Variants in TTLL1 observed in about 807,000 individuals in gnomAD.
TTLL1 encodes polyglutamylase complex subunit TTLL1.
A neutral mutation model predicts 47.8 loss-of-function variants in TTLL1; 33 were observed. That is an observed-to-expected ratio of 0.69 (90% confidence interval 0.52 to 0.92). The LOEUF (loss-of-function observed/expected upper bound fraction) is 0.92. Among genes scored for constraint, TTLL1 ranks in the 40% least tolerant of loss-of-function variants. The probability of loss-of-function intolerance (pLI) is 0.00; values close to 1 mark genes in which losing one functional copy is unlikely to be tolerated. For missense variants in TTLL1, 488 were observed against 547.5 expected (o/e 0.89, Z 1.08); for synonymous variants, 225 against 214.1 (o/e 1.05, Z -0.45).
At chr22:43,047,823 T>G (rs1164825391) in intron 9 of TTLL1, among the ~76,000 whole-genome samples, 1 of 152,148 alleles carries the variant, frequency 6.6e-6, no homozygotes, top group Non-Finnish European at 1.5e-5. Flanking sequence ...CTTGGTTAGC[T>G]GTTTCAGGCC....
intron 4 of TTLL1, among the ~76,000 whole-genome samples, chr22:43,069,404 A>AC (rs1343981032): frequency 1.7e-4 from 25 of 150,982 alleles, no homozygotes; most frequent in African/African-American, 6.1e-4. Context: ...AAAAAAAAAA[A>AC]AAAAAACGCC....
intron 9 of TTLL1, among the ~76,000 whole-genome samples, chr22:43,048,389 C>G (rs1569414582): frequency 1.3e-5 from 2 of 151,242 alleles, no homozygotes; most frequent in African/African-American, 4.9e-5. Context: ...AACTCCAGCA[C>G]TTTGGGAGGC....
rs183712594 is a variant in TTLL1, at chr22:43,046,551, G to C, written c.1001C>G (p.Thr334Arg). 3.1e-6 allele frequency: 5 copies of C among 1,613,982 alleles called. No individual in the cohort carries two copies. Among genetic ancestry groups the C allele is most frequent in the Non-Finnish European group, 4.2e-6 (5 of 1,179,994 alleles). ...LIEVNASPSL[T>R]SSTANDRILK... is the part of the protein sequence containing the mutation. ...GATTCGGTCATTGGCAGTGCTGGAC[G>C]TGAGAGACGGGGACGCATTCACCTG... Residue 334 changes from threonine (T) to arginine (R), a missense_variant, in exon 10 of 11, where the codon ACG becomes AGG. Physicochemically the swap from Thr to Arg is moderately conservative, Grantham distance 71. Coordinates refer to ENST00000266254, the MANE Select transcript of TTLL1 (RefSeq NM_012263.5).
At chr22:43,072,470 CTCTT>C (rs900789257) in intron 3 of TTLL1, among the ~76,000 whole-genome samples, 12 of 150,872 alleles carry the variant, frequency 8.0e-5, no homozygotes, top group Non-Finnish European at 1.0e-4. Flanking sequence ...TTTATTTTCT[CTCTT>C]TCTTTCTTTC....
rs776262611 is a variant in TTLL1 at position 43,064,334 on chromosome 22, G to T, written c.504-10C>A. On this transcript the variant is annotated splice_polypyrimidine_tract_variant and intron_variant, in intron 5 of 10. Transcript: ENST00000266254. Reference sequence around the variant, plus strand: ...AGATTGAGACACAAACCTAAACATGGCAGAGAAAGTAAAAATTAGATGGTA... The same window carrying T: ...AGATTGAGACACAAACCTAAACATGTCAGAGAAAGTAAAAATTAGATGGTA... 6.2e-7 allele frequency: 1 copy of T among 1,604,066 alleles called. No homozygotes were observed. Among genetic ancestry groups the T allele is most frequent in the East Asian group, 2.2e-5 (1 of 44,814 alleles).
At chr22:43,055,325 C>G (rs1926928471) in intron 8 of TTLL1, among the ~76,000 whole-genome samples, 1 of 151,318 alleles carries the variant, frequency 6.6e-6, no homozygotes, top group South Asian at 2.1e-4. Context: ...CCACGTCTGT[C>G]TATAGTTTTC....
intron 8 of TTLL1, 134 bp from the exon 9 acceptor site, chr22:43,052,021 G>C (rs1302356753): frequency 1.3e-6 from 1 of 755,018 alleles, no homozygotes; most frequent in Non-Finnish European, 2.3e-6. Flanking sequence ...CACCACAAAC[G>C]CTTCCTTCCC....
chr22:43,069,220 C>CAAA (rs66913313), intron 4 of TTLL1, among the ~76,000 whole-genome samples: 9 of 80,396 alleles, frequency 1.1e-4, no homozygotes, highest in Non-Finnish European at 2.3e-4. Context: ...ACTAAAAATA[C>CAAA]AAAAAAAAAA....
At chr22:43,063,960 A>G in intron 6 of TTLL1, 39 bp from the exon 7 acceptor site, 1 of 1,595,124 alleles carries the variant, frequency 6.3e-7, no homozygotes, top group South Asian at 1.1e-5. Flanking sequence ...TCTGAGGAGA[A>G]ACAAAAAGAA....
intron 5 of TTLL1, among the ~76,000 whole-genome samples, chr22:43,066,522 G>T (rs995139644): frequency 2.0e-5 from 3 of 151,688 alleles, no homozygotes; most frequent in African/African-American, 7.3e-5. Context: ...CCGGGAATTT[G>T]AGATCAACCT....
At chr22:43,084,438 GCTACTGTGCCCAGCTGACACCTTTTTC>G (rs1929095806) in intron 1 of TTLL1, among the ~76,000 whole-genome samples, 1 of 152,050 alleles carries the variant, frequency 6.6e-6, no homozygotes, top group Admixed American at 6.6e-5. Flanking sequence ...GTGGCTCAGA[GCTACTGTGCCCAGCTGACACCTTTTTC>G]CTTCTTTCTT....
intron 2 of TTLL1, among the ~76,000 whole-genome samples, chr22:43,079,582 G>A (rs1423648834): frequency 6.6e-6 from 1 of 152,210 alleles, no homozygotes; most frequent in African/African-American, 2.4e-5. Flanking sequence ...TGGTTCACAT[G>A]TTGTACTTAA....
intron 1 of TTLL1, among the ~76,000 whole-genome samples, chr22:43,088,691 T>G (rs1332814852): frequency 6.6e-6 from 1 of 152,094 alleles, no homozygotes; most frequent in Non-Finnish European, 1.5e-5. Flanking sequence ...AATGTGCTCA[T>G]CAAACGTTTC....
chr22:43,074,321 G>T (rs1263238524), intron 3 of TTLL1, among the ~76,000 whole-genome samples: 4 of 151,540 alleles, frequency 2.6e-5, no homozygotes, highest in Non-Finnish European at 4.4e-5. Context: ...CAGCTACTAG[G>T]GAGGCTAAGG....
intron 7 of TTLL1, among the ~76,000 whole-genome samples, chr22:43,063,217 A>G (rs1927499745): frequency 6.6e-6 from 1 of 152,092 alleles, no homozygotes; most frequent in South Asian, 2.1e-4. Context: ...AGGCTCTGAG[A>G]GTTACACTGA....
chr22:43,046,820 C>G (rs1455371765), intron 9 of TTLL1, among the ~76,000 whole-genome samples: 1 of 152,078 alleles, frequency 6.6e-6, no homozygotes, highest in Non-Finnish European at 1.5e-5. Context: ...CAGGCACACA[C>G]CAACACGCCC....
chr22:43,058,236 G>A (rs1446396492), intron 8 of TTLL1, among the ~76,000 whole-genome samples: 1 of 152,092 alleles, frequency 6.6e-6, no homozygotes, highest in Non-Finnish European at 1.5e-5. Context: ...GAGCCACAGC[G>A]CCCGGCCCCG....
Position 43,084,309 on chromosome 22 carries a change from C to A in TTLL1, c.-89-4323G>T, listed in dbSNP as rs553311836. Among the ~76,000 whole-genome samples the A allele has an allele frequency of 2.0e-5, 3 of 151,894 alleles. No homozygotes were observed. In the South Asian group the frequency reaches 6.2e-4, roughly 31 times the overall value. ...GGGATTACAGGCACCCGCCACGATG[C>A]CCAGCTAATTGTGTATTTTTAGTAG... On this transcript the variant is annotated intron_variant, in intron 1 of 10. Transcript: ENST00000266254.
chr22:43,040,768 T>A (rs1364527893), intron 10 of TTLL1, among the ~76,000 whole-genome samples: 4 of 152,168 alleles, frequency 2.6e-5, no homozygotes, highest in African/African-American at 9.6e-5. Flanking sequence ...ACTGCCTGTT[T>A]CCCAATTAAC....
Sources: allele counts gnomAD v4.1 joint callset (sites outside exome capture counted in the v4.1 genomes callset), GRCh38; gene constraint gnomAD v4.1.1; transcripts MANE v1.5; gene names NCBI Gene and HGNC (gene_info 2026-07-23, HGNC 2026-07-21).